Variants in PTPRM observed in about 807,000 individuals in gnomAD.
PTPRM encodes the protein receptor-type tyrosine-protein phosphatase mu.
Under a neutral mutation model 186.7 loss-of-function variants are expected in PTPRM, and 47 were observed. That is an observed-to-expected ratio of 0.25 (90% confidence interval 0.20 to 0.32). The LOEUF (loss-of-function observed/expected upper bound fraction) is 0.32. Ranked by LOEUF, PTPRM falls within the 10% of genes least tolerant of loss-of-function variation. The pLI is 1.00. For missense variants in PTPRM, 1,494 were observed against 1,865.0 expected (o/e 0.80, Z 3.66); for synonymous variants, 668 against 674.9 (o/e 0.99, Z 0.16).
At chr18:7,806,814 G>A (rs543421560) in intron 2 of PTPRM, among the ~76,000 whole-genome samples, 1 of 152,348 alleles carries the variant, frequency 6.6e-6, no homozygotes, top group East Asian at 1.9e-4. Flanking sequence ...TACACCAGCT[G>A]GTAAGATGAT....
intron 7 of PTPRM, among the ~76,000 whole-genome samples, chr18:8,046,107 T>C (rs1177690718): frequency 1.3e-5 from 2 of 152,124 alleles, no homozygotes; most frequent in Non-Finnish European, 2.9e-5. Context: ...TATAAGTGCT[T>C]GTCATTTCCC....
intron 4 of PTPRM, among the ~76,000 whole-genome samples, chr18:7,909,619 C>T (rs982364509): frequency 6.6e-6 from 1 of 152,100 alleles, no homozygotes; most frequent in African/African-American, 2.4e-5. Flanking sequence ...TTTTGATGTT[C>T]ATTAAATTTA....
rs1396219663 is a variant in PTPRM at position 8,085,783 on chromosome 18, C to T, written c.1664C>T (p.Pro555Leu). Residue 555 changes from proline to leucine, a missense_variant, in exon 10 of 33, where the codon CCG becomes CTG. Transcript: ENST00000580170. ...ETHFLFFGLYPGTTYSFTIRA... is the reference protein window; with the variant it reads ...ETHFLFFGLYLGTTYSFTIRA... ...CATTTTCTGTTTTTTGGACTGTATC[C>T]GGGGACCACATACTCCTTTACCATC... is the stretch of plus-strand genomic sequence containing the variant. 7 of 1,613,306 alleles carry T rather than the reference C, an allele frequency of 4.3e-6. No homozygotes were observed. Among genetic ancestry groups the T allele is most frequent in the Admixed American group, 3.3e-5 (2 of 59,930 alleles).
At chr18:8,310,423 C>G (rs571212400) in intron 20 of PTPRM, among the ~76,000 whole-genome samples, 4 of 150,218 alleles carry the variant, frequency 2.7e-5, no homozygotes, top group Non-Finnish European at 5.9e-5. Context: ...CATTTCCCAC[C>G]ACTCTCCTCC....
intron 4 of PTPRM, among the ~76,000 whole-genome samples, chr18:7,925,081 A>G (rs922306009): frequency 6.6e-6 from 1 of 152,240 alleles, no homozygotes; most frequent in East Asian, 1.9e-4. Context: ...AATAAAGGTT[A>G]CCTTGTTCCA....
At chr18:8,285,782 A>G (rs1250447396) in intron 19 of PTPRM, among the ~76,000 whole-genome samples, 1 of 152,190 alleles carries the variant, frequency 6.6e-6, no homozygotes, top group African/African-American at 2.4e-5. Flanking sequence ...CCTTGAGCCC[A>G]GGGGTTCGAG....
At chr18:8,381,174 C>A (rs1170347683) in intron 29 of PTPRM, among the ~76,000 whole-genome samples, 1 of 152,002 alleles carries the variant, frequency 6.6e-6, no homozygotes, top group African/African-American at 2.4e-5. Context: ...AGCAGGTTGT[C>A]AGGCAAGCAT....
intron 13 of PTPRM, among the ~76,000 whole-genome samples, chr18:8,138,892 C>T (rs907761327): frequency 1.3e-5 from 2 of 152,154 alleles, no homozygotes; most frequent in African/African-American, 4.8e-5. Context: ...TCTGGCTGCT[C>T]CGTGCGGATG....
intron 31 of PTPRM, among the ~76,000 whole-genome samples, chr18:8,389,753 C>T (rs1049569358): frequency 6.6e-5 from 10 of 152,146 alleles, no homozygotes; most frequent in African/African-American, 2.4e-4. Flanking sequence ...TCCCCCAGTA[C>T]TGGCCAGGAA....
At chr18:8,387,270 G>A in intron 31 of PTPRM, 35 bp downstream of exon 31, 1 of 1,592,754 alleles carries the variant, frequency 6.3e-7, no homozygotes, top group Non-Finnish European at 8.6e-7. Flanking sequence ...TTTCAGAACA[G>A]CGAGGCCCCA....
intron 5 of PTPRM, among the ~76,000 whole-genome samples, chr18:7,929,451 G>A (rs1424449505): frequency 1.2e-4 from 18 of 152,224 alleles, no homozygotes; most frequent in East Asian, 5.8e-4. Context: ...GCGCTGTCAA[G>A]AAGGAGATGA....
chr18:8,319,183 T>C lies in PTPRM; in HGVS notation c.2925T>C (p.Tyr975=). The part of the protein sequence containing the change: ...DYINGNYIDG[Y]HRPNHYIATQ... ...TCTCTTTTATTTATTTTTAGGGTTA[T>C]CATCGACCCAATCATTACATTGCTA... The change falls in exon 22 of 33, where the codon TAT becomes TAC. Residue 975 remains tyrosine, a synonymous_variant. Coordinates refer to ENST00000580170, the MANE Select transcript of PTPRM (RefSeq NM_001105244.2). 6.4e-7 allele frequency: 1 copy of C among 1,551,126 alleles called. No homozygotes were observed. The highest frequency in any genetic ancestry group is 8.9e-7 in the Non-Finnish European group (1 of 1,127,160).
In PTPRM at chr18:8,125,994, TATATATATATATATATATATATATA is replaced by T. The variant is rs1237851737; in HGVS notation, c.2167+11168_2167+11192del. Reference sequence around the variant, plus strand: ...GTGTATACATATATATATATATATATATATATATATATATATATATATATATATATATATTTTAAATCAGTAGACC... The same window carrying T: ...GTGTATACATATATATATATATATATTATATATATTTTAAATCAGTAGACC... On this transcript the variant is annotated intron_variant, in intron 13 of 32. Transcript: ENST00000580170. Among the ~76,000 whole-genome samples, 7 of 11,664 alleles carry T rather than the reference TATATATATATATATATATATATATA, an allele frequency of 6.0e-4. 1 individual carries two copies. Among genetic ancestry groups the T allele is most frequent in the African/African-American group, 6.4e-4 (4 of 6,244 alleles). The allele number at this position is 11,664 out of a possible 152,430, so 7.7% of individuals were successfully genotyped here. A position where few individuals can be genotyped will look rare whatever the true frequency, so the allele number is the denominator to read the frequency against.
At chr18:8,232,801 CAA>C (rs766741097) in intron 14 of PTPRM, among the ~76,000 whole-genome samples, 1 of 152,130 alleles carries the variant, frequency 6.6e-6, no homozygotes, top group Non-Finnish European at 1.5e-5. Flanking sequence ...AAGACAAAGA[CAA>C]AAGAGTATAT....
At chr18:8,185,256 G>T (rs2146632817) in intron 14 of PTPRM, among the ~76,000 whole-genome samples, 1 of 152,246 alleles carries the variant, frequency 6.6e-6, no homozygotes, top group East Asian at 1.9e-4. Context: ...CTCCTGTAGG[G>T]CTCAGCTCTC....
intron 2 of PTPRM, among the ~76,000 whole-genome samples, chr18:7,804,033 C>T (rs1388271340): frequency 6.6e-6 from 1 of 152,082 alleles, no homozygotes; most frequent in Non-Finnish European, 1.5e-5. Context: ...CCCAGGTGAG[C>T]CTAAACTTAC....
chr18:7,664,880 G>A (rs1220621967), intron 1 of PTPRM, among the ~76,000 whole-genome samples: 1 of 152,226 alleles, frequency 6.6e-6, no homozygotes, highest in Non-Finnish European at 1.5e-5. Flanking sequence ...GATGTGAGAT[G>A]TCATTAACTG....
chr18:7,627,040 C>G (rs2038079101), intron 1 of PTPRM, among the ~76,000 whole-genome samples: 2 of 152,016 alleles, frequency 1.3e-5, no homozygotes, highest in Admixed American at 1.3e-4. Flanking sequence ...TAGTGTCCTT[C>G]CTCCAAGCAG....
At chr18:7,836,856 C>G (rs2046076684) in intron 2 of PTPRM, among the ~76,000 whole-genome samples, 1 of 152,154 alleles carries the variant, frequency 6.6e-6, no homozygotes, top group Non-Finnish European at 1.5e-5. Context: ...AAGTTTGCTG[C>G]CAGATGTATT....
Sources: allele counts gnomAD v4.1 joint callset (sites outside exome capture counted in the v4.1 genomes callset), GRCh38; gene constraint gnomAD v4.1.1; transcripts MANE v1.5; gene names NCBI Gene and HGNC (gene_info 2026-07-23, HGNC 2026-07-21).